ROBO1: variants seen among roughly 807,000 people sequenced by gnomAD.
ROBO1 encodes roundabout homolog 1.
In ROBO1, 149 loss-of-function variants were observed where a neutral mutation model predicts 195.9. That is an observed-to-expected ratio of 0.76 (90% CI 0.67 to 0.87). The LOEUF (loss-of-function observed/expected upper bound fraction) is 0.87. ROBO1 is among the 40% of genes least tolerant of loss of function. ROBO1 has a pLI of 0.00. For missense variants in ROBO1, 1,933 were observed against 2,068.3 expected, an observed-to-expected ratio of 0.93 and a Z score of 1.27; for synonymous variants, 816 against 733.2, an observed-to-expected ratio of 1.11 and a Z score of -1.82.
At chr3:78,767,148 G>A (rs1167609636) in intron 4 of ROBO1, among the ~76,000 whole-genome samples, 1 of 152,054 alleles carries the variant, frequency 6.6e-6, no homozygotes, top group Non-Finnish European at 1.5e-5. Context: ...GAATTAGGGA[G>A]GGTTCCTTCT....
intron 2 of ROBO1, among the ~76,000 whole-genome samples, chr3:79,413,635 G>C (rs2037874263): frequency 6.6e-6 from 1 of 152,108 alleles, no homozygotes; most frequent in Non-Finnish European, 1.5e-5. Flanking sequence ...AGCAAAAAAG[G>C]ACATAATTTC....
At chr3:79,200,355 T>C (rs2081739270) in intron 2 of ROBO1, among the ~76,000 whole-genome samples, 1 of 151,786 alleles carries the variant, frequency 6.6e-6, no homozygotes, top group Non-Finnish European at 1.5e-5. Context: ...TTATTTATTT[T>C]TGTTTTTGTT....
chr3:79,046,344 C>T (rs1174965518), intron 3 of ROBO1, among the ~76,000 whole-genome samples: 1 of 152,108 alleles, frequency 6.6e-6, no homozygotes, highest in Non-Finnish European at 1.5e-5. Context: ...AAGATGACTT[C>T]AGCCCCAGCC....
rs575566889 is a variant in ROBO1 at position 78,727,150 on chromosome 3, TGACA to T, written c.658-9271_658-9268del. Among the ~76,000 whole-genome samples, 537 of 152,210 alleles carry T rather than the reference TGACA, an allele frequency of 3.5e-3. 2 individuals carry two copies. The highest frequency in any genetic ancestry group is 0.011 in the South Asian group (53 of 4,814). ...TAGTACCATAATTATTTTGTACAAA[TGACA>T]GACAAAGAATTGGATAATCAATCCC... On this transcript the variant is annotated intron_variant, in intron 5 of 30. Coordinates refer to ENST00000464233, the MANE Select transcript of ROBO1 (RefSeq NM_002941.4).
intron 17 of ROBO1, among the ~76,000 whole-genome samples, chr3:78,657,989 C>T (rs747305562): frequency 1.7e-4 from 26 of 152,182 alleles, no homozygotes; most frequent in Non-Finnish European, 3.2e-4. Context: ...TTAAATGGGA[C>T]TATCAGTCCT....
At chr3:79,613,213 G>T (rs1390396960) in intron 1 of ROBO1, among the ~76,000 whole-genome samples, 3 of 151,936 alleles carry the variant, frequency 2.0e-5, no homozygotes, top group Non-Finnish European at 2.9e-5. Flanking sequence ...TTATTTGAAG[G>T]TTAAACTCAG....
chr3:79,413,708 C>T (rs922344022), intron 2 of ROBO1, among the ~76,000 whole-genome samples: 4 of 151,954 alleles, frequency 2.6e-5, no homozygotes, highest in East Asian at 1.9e-4. Context: ...TGTATTTTGC[C>T]AAATTTTTAA....
intron 2 of ROBO1, among the ~76,000 whole-genome samples, chr3:79,309,366 C>T (rs907484932): frequency 4.6e-5 from 7 of 152,058 alleles, no homozygotes; most frequent in Non-Finnish European, 5.9e-5. Context: ...CTCAGAAGTT[C>T]GAGACCAGCC....
At chr3:79,259,155 T>C (rs2082891681) in intron 2 of ROBO1, among the ~76,000 whole-genome samples, 1 of 152,138 alleles carries the variant, frequency 6.6e-6, no homozygotes, top group South Asian at 2.1e-4. Context: ...CTTTTTGTTG[T>C]TGTTGTTGAG....
chr3:79,350,852 T>G, intron 2 of ROBO1, among the ~76,000 whole-genome samples: 1 of 152,084 alleles, frequency 6.6e-6, no homozygotes, highest in East Asian at 1.9e-4. Flanking sequence ...GGGGTCTTGC[T>G]ATGTTGCCCA....
At chr3:78,778,515 T>G (rs333479) in intron 4 of ROBO1, among the ~76,000 whole-genome samples, 8,292 of 152,182 alleles carry the variant, frequency 0.054, 300 homozygotes, top group Middle Eastern at 0.11. Context: ...GATCTCTCAT[T>G]CACAATTGCT....
chr3:78,686,393 A>G (rs2081052703), intron 9 of ROBO1, among the ~76,000 whole-genome samples: 1 of 151,884 alleles, frequency 6.6e-6, no homozygotes, highest in Non-Finnish European at 1.5e-5. Flanking sequence ...TGTCTCTACT[A>G]AAAATACAAA....
intron 3 of ROBO1, among the ~76,000 whole-genome samples, chr3:79,059,227 A>G (rs1289664586): frequency 6.6e-6 from 1 of 152,074 alleles, no homozygotes; most frequent in Non-Finnish European, 1.5e-5. Flanking sequence ...TTATCATTGG[A>G]CATAACTAAA....
chr3:79,745,619 T>C (rs1703839728), intron 1 of ROBO1, among the ~76,000 whole-genome samples: 1 of 152,176 alleles, frequency 6.6e-6, no homozygotes, highest in Non-Finnish European at 1.5e-5. Context: ...ATGGGTGTGA[T>C]AATATTTATC....
At chr3:79,661,626 C>T (rs1209582248) in intron 1 of ROBO1, among the ~76,000 whole-genome samples, 2 of 151,786 alleles carry the variant, frequency 1.3e-5, no homozygotes, top group African/African-American at 2.4e-5. Context: ...CTCCCTCTAT[C>T]CCTTTCTTTT....
chr3:78,828,546 G>A (rs1233550431), intron 4 of ROBO1, among the ~76,000 whole-genome samples: 1 of 152,074 alleles, frequency 6.6e-6, no homozygotes, highest in East Asian at 1.9e-4. Flanking sequence ...CATAGAAATG[G>A]GATAATGAAA....
chr3:78,961,945 T>TTG (rs1227194632), intron 3 of ROBO1, among the ~76,000 whole-genome samples: 1 of 151,940 alleles, frequency 6.6e-6, no homozygotes, highest in Non-Finnish European at 1.5e-5. Flanking sequence ...TTTTTTGTTT[T>TTG]TTTTTTTTAC....
chr3:79,326,765 T>C (rs1330842201), intron 2 of ROBO1, among the ~76,000 whole-genome samples: 1 of 152,218 alleles, frequency 6.6e-6, no homozygotes, highest in Non-Finnish European at 1.5e-5. Context: ...AAACTAAAAG[T>C]AAACTTCATT....
At chr3:79,154,017 C>T (rs115977303) in intron 2 of ROBO1, among the ~76,000 whole-genome samples, 3,363 of 150,722 alleles carry the variant, frequency 0.022, 46 homozygotes, top group Non-Finnish European at 0.036. Flanking sequence ...TCTTTACTTT[C>T]TGCACAGTAT....
Sources: gnomAD v4.1 joint callset for allele counts (sites outside exome capture counted in the v4.1 genomes callset) on GRCh38, gnomAD v4.1.1 for gene constraint, MANE v1.5 for transcripts, NCBI Gene and HGNC (gene_info 2026-07-23, HGNC 2026-07-21) for gene names.